Variants in FLNC observed in about 807,000 individuals in gnomAD.
FLNC encodes the protein filamin-C.
Under a neutral mutation model 254.3 loss-of-function variants are expected in FLNC, and 91 were observed. The observed-to-expected ratio is 0.36, with a 90% CI of 0.30 to 0.43. FLNC has a LOEUF of 0.43. Among genes scored for constraint, FLNC ranks in the 20% least tolerant of loss-of-function variants. The pLI, the probability that FLNC is intolerant of heterozygous loss-of-function variation, is 1.00. For missense variants in FLNC, 2,853 were observed against 3,802.6 expected (o/e 0.75, Z 6.57); for synonymous variants, 1,430 against 1,577.2 (o/e 0.91, Z 2.21).
Position 128,837,149 on chromosome 7 carries a change from C to T in FLNC, c.602-11C>T, listed in dbSNP as rs371111092. ...GCCCCTCACCATCGTCTCCCTCCAT[C>T]ACCTCTCCAGGTCTCTGCCCCGACT... On this transcript the variant is annotated splice_polypyrimidine_tract_variant and intron_variant, in intron 2 of 47. Transcript: ENST00000325888. The T allele has an allele frequency of 6.0e-4, 953 of 1,580,446 alleles. 17 individuals are homozygous for T. In the South Asian group the frequency reaches 8.7e-3, roughly 14 times the overall value.
rs28687249 is a variant in FLNC, at chr7:128,858,567, C to T, written c.*44C>T. 7 of 1,353,342 alleles carry T rather than the reference C, an allele frequency of 5.2e-6. No individual in the cohort carries two copies. In the South Asian group the frequency reaches 5.9e-5, roughly 11 times the overall value. The allele number at this position is 1,353,342 out of a possible 1,614,324, so 83.8% of individuals were successfully genotyped here. ...CAGCCTCAGCCCCCACCTCCAGCCACACACACATTACACACACACACACAC... is the reference window on the plus strand; with the variant it reads ...CAGCCTCAGCCCCCACCTCCAGCCATACACACATTACACACACACACACAC... On this transcript the variant is annotated 3_prime_UTR_variant, in exon 48 of 48. Coordinates refer to ENST00000325888, the MANE Select transcript of FLNC (RefSeq NM_001458.5). The surrounding 1 kb of genome is among the most constrained non-coding windows in gnomAD (Gnocchi z 6.7).
In FLNC at chr7:128,844,038, G is replaced by A. The variant is rs1270021171; in HGVS notation, c.2964G>A (p.Val988=). Residue 988 remains valine, a synonymous_variant, in exon 20 of 48, where the codon GTG becomes GTA. Transcript: ENST00000325888. ...TGGGACAGGAACAAGCATTCTCTGTGAACACACGAGGGGCTGGCGGTCAGG... is the reference window on the plus strand; with the variant it reads ...TGGGACAGGAACAAGCATTCTCTGTAAACACACGAGGGGCTGGCGGTCAGG... ...VAVGQEQAFS[V]NTRGAGGQGQ... 3 of 1,614,032 alleles carry A rather than the reference G, an allele frequency of 1.9e-6. No homozygotes were observed. In the African/African-American group the frequency reaches 4.0e-5, roughly 22 times the overall value.
chr7:128,842,787 T>C lies in FLNC; in HGVS notation c.2390-7T>C. 6.2e-7 allele frequency: 1 copy of C among 1,613,352 alleles called. No individual in the cohort carries two copies. Among genetic ancestry groups the C allele is most frequent in the African/African-American group, 1.3e-5 (1 of 75,048 alleles). On this transcript the variant is annotated splice_region_variant and splice_polypyrimidine_tract_variant and intron_variant, in intron 15 of 47. Transcript: ENST00000325888. The surrounding 1 kb of genome is among the most constrained non-coding windows in gnomAD (Gnocchi z 5.4). ...CCCAACTCACAGCAGTGCCCGCTTC[T>C]CTGCAGGCGACGTGAGCATCGGCAT...
chr7:128,850,749 G>A, intron 32 of FLNC, 54 bp from the exon 33 acceptor site: 1 of 1,612,186 alleles, frequency 6.2e-7, no homozygotes, highest in South Asian at 1.1e-5. Context: ...GGGACAGCAG[G>A]GAGGTTGCAG....
Position 128,857,322 on chromosome 7 carries a change from A to G in FLNC, c.7766A>G (p.Lys2589Arg). 6.2e-7 allele frequency: 1 copy of G among 1,612,948 alleles called. No homozygotes were observed. The highest frequency in any genetic ancestry group is 1.1e-5 in the South Asian group (1 of 91,026). ...CAGCACATCGTGGGCAGCCCCTTCA[A>G]GGCCAAGGTCACTGGTGAGTGCCAG... Reference protein sequence around the residue: ...GPQHIVGSPFKAKVTGPRLSG... With the variant: ...GPQHIVGSPFRAKVTGPRLSG... The change falls in exon 46 of 48, where the codon AAG becomes AGG. Residue 2589 changes from lysine (K) to arginine (R), a missense_variant. Transcript: ENST00000325888. This position sits in a 1 kb window ranked among gnomAD's most constrained non-coding sequence, Gnocchi z 4.5.
Position 128,837,428 on chromosome 7 carries a change from A to G in FLNC, c.730A>G (p.Asn244Asp), listed in dbSNP as rs1020489966. 6.2e-7 allele frequency: 1 copy of G among 1,613,990 alleles called. No homozygotes were observed. The highest frequency in any genetic ancestry group is 8.5e-7 in the Non-Finnish European group (1 of 1,180,006). Residue 244 changes from asparagine to aspartate, a missense_variant, in exon 4 of 48, where the codon AAC becomes GAC. Physicochemically the swap from Asn to Asp is conservative, Grantham distance 23. Transcript: ENST00000325888. ...TGCCCCTGAGGAGATTGTGGACCCCAACGTGGATGAGCATTCTGTTATGAC... is the reference window on the plus strand; with the variant it reads ...TGCCCCTGAGGAGATTGTGGACCCCGACGTGGATGAGCATTCTGTTATGAC... ...VIAPEEIVDP[N>D]VDEHSVMTYL...
Position 128,856,525 on chromosome 7 carries a change from G to T in FLNC, c.7259G>T (p.Gly2420Val). The T allele has an allele frequency of 1.2e-6, 2 of 1,612,306 alleles. No homozygotes were observed. Among genetic ancestry groups the T allele is most frequent in the Non-Finnish European group, 1.7e-6 (2 of 1,180,012 alleles). ...RLTVTSLQETGLKVNQPASFA... is the reference protein window; with the variant it reads ...RLTVTSLQETVLKVNQPASFA... ...CCTCCGTGGCCTTTGCAGGAGACGG[G>T]GCTCAAGGTGAACCAGCCAGCGTCC... Residue 2420 changes from glycine to valine, a missense_variant, in exon 44 of 48, where the codon GGG becomes GTG. By Grantham distance (109) the Gly-to-Val change is moderately radical. Coordinates refer to ENST00000325888, the MANE Select transcript of FLNC (RefSeq NM_001458.5). This position sits in a 1 kb window ranked among gnomAD's most constrained non-coding sequence, Gnocchi z 5.9.
chr7:128,848,714 C>G lies in FLNC; in HGVS notation c.4734C>G (p.Ile1578Met), dbSNP rs1290554261. Residue 1578 changes from isoleucine to methionine, a missense_variant, in exon 27 of 48, where the codon ATC (isoleucine) becomes ATG (methionine). Ile to Met is a conservative substitution (Grantham distance 10). Coordinates refer to ENST00000325888, the MANE Select transcript of FLNC (RefSeq NM_001458.5). ...DAGEGLLTVQILDPEGKPKKA... is the reference protein window; with the variant it reads ...DAGEGLLTVQMLDPEGKPKKA... ...GCGAGGGGTTGCTCACTGTCCAGAT[C>G]TTGGTGAGTCTCTGTGCATCCCACC... is the stretch of plus-strand genomic sequence containing the variant. The G allele has an allele frequency of 6.2e-7, 1 of 1,613,774 alleles. No homozygotes were observed. Among genetic ancestry groups the G allele is most frequent in the Non-Finnish European group, 8.5e-7 (1 of 1,180,026 alleles).
At position 128,844,969 on chromosome 7, in the gene FLNC, C is replaced by T; in HGVS notation, c.3504C>T (p.Gly1168=). Residue 1168 remains glycine, a synonymous_variant, in exon 21 of 48, where the codon GGC becomes GGT. Coordinates refer to ENST00000325888, the MANE Select transcript of FLNC (RefSeq NM_001458.5). ...VRASGPGLER[G]KVGEAATFTV... ...CCAGTGGACCGGGCCTGGAGCGCGG[C>T]AAGGTCGGTGAGGCAGCCACCTTCA... 6 of 1,613,846 alleles carry T rather than the reference C, an allele frequency of 3.7e-6. No individual in the cohort carries two copies. The highest frequency in any genetic ancestry group is 5.1e-6 in the Non-Finnish European group (6 of 1,180,014).
At position 128,854,211 on chromosome 7, in the gene FLNC, A is replaced by G; in HGVS notation, c.6722A>G (p.Gln2241Arg). Residue 2241 changes from glutamine (Q) to arginine (R), a missense_variant, in exon 40 of 48, where the codon CAG becomes CGG. Physicochemically the swap from Gln to Arg is conservative, Grantham distance 43 (BLOSUM62 1). Coordinates refer to ENST00000325888, the MANE Select transcript of FLNC (RefSeq NM_001458.5). ...TCCTTCGGCAGCATCACCCGGCAGCAGGAGGGTGAGCACCGCACACTGGGC... is the reference window on the plus strand; with the variant it reads ...TCCTTCGGCAGCATCACCCGGCAGCGGGAGGGTGAGCACCGCACACTGGGC... ...LGSFGSITRQ[Q>R]EGEASSQDMT... 1 of 1,607,184 alleles carries G rather than the reference A, an allele frequency of 6.2e-7. No individual in the cohort carries two copies. The highest frequency in any genetic ancestry group is 8.5e-7 in the Non-Finnish European group (1 of 1,177,368).
chr7:128,843,999 C>T lies in FLNC; in HGVS notation c.2930-5C>T, dbSNP rs371599113. 44 of 1,614,034 alleles carry T rather than the reference C, an allele frequency of 2.7e-5. No individual in the cohort carries two copies. Among genetic ancestry groups the T allele is most frequent in the South Asian group, 5.5e-5 (5 of 91,090 alleles). ...TCCTCATGGTGTCACTTGCCCTCCA[C>T]GCAGAGGTGGCTGTGGGACAGGAAC... On this transcript the variant is annotated splice_polypyrimidine_tract_variant and splice_region_variant and intron_variant, in intron 19 of 47. Transcript: ENST00000325888.
rs368102638 is a variant in FLNC, at chr7:128,845,992, G to A, written c.3793G>A (p.Val1265Ile). 2.9e-5 allele frequency: 47 copies of A among 1,613,604 alleles called. No homozygotes were observed. The highest frequency in any genetic ancestry group is 3.8e-5 in the Non-Finnish European group (45 of 1,179,994). The change falls in exon 22 of 48, where the codon GTC (valine) becomes ATC (isoleucine). Residue 1265 changes from valine (V) to isoleucine (I), a missense_variant and splice_region_variant. Around this residue, in one of 10 missense-constraint regions of FLNC, gnomAD observed 1,573 missense variants for 1,883.5 expected, o/e 0.84. Transcript: ENST00000325888. ...VSGPGVEPHG[V>I]LREVTTEFTV... is the part of the protein sequence containing the mutation. ...AACACGCCACCCCTGGGCTCCAGGTGTCCTGCGGGAGGTGACCACTGAGTT... is the reference window on the plus strand; with the variant it reads ...AACACGCCACCCCTGGGCTCCAGGTATCCTGCGGGAGGTGACCACTGAGTT...
At chr7:128,849,619 G>C in intron 30 of FLNC, 41 bp downstream of exon 30, 1 of 1,607,750 alleles carries the variant, frequency 6.2e-7, no homozygotes, top group Non-Finnish European at 8.5e-7. Flanking sequence ...GGCTGGGGAG[G>C]GGGGCCTGGC....
Position 128,853,490 on chromosome 7 carries a change from G to C in FLNC, c.6230G>C (p.Ser2077Thr). 6.2e-7 allele frequency: 1 copy of C among 1,614,034 alleles called. No individual in the cohort carries two copies. The highest frequency in any genetic ancestry group is 1.1e-5 in the South Asian group (1 of 91,074). ...CCAGGTTATGGGGGCTTGGGGCTGA[G>C]TATTGAAGGCCCAAGCAAGGTGGAC... ...RNAGYGGLGL[S>T]IEGPSKVDIN... The change falls in exon 38 of 48, where the codon AGT (serine) becomes ACT (threonine). Residue 2077 changes from serine to threonine, a missense_variant. By Grantham distance (58) the Ser-to-Thr change is moderately conservative (BLOSUM62 1). Coordinates refer to ENST00000325888, the MANE Select transcript of FLNC (RefSeq NM_001458.5).
chr7:128,843,314 G>A lies in FLNC; in HGVS notation c.2636G>A (p.Arg879His), dbSNP rs367997079. 1.5e-5 allele frequency: 24 copies of A among 1,612,782 alleles called. No individual in the cohort carries two copies. The highest frequency in any genetic ancestry group is 1.1e-4 in the South Asian group (10 of 90,854). ...KVKAEGPGLN[R>H]TGVEVGKPTH... ...AAGGCCGAGGGCCCTGGGCTGAATC[G>A]CACAGGTGAGTGTCTGGGCAGGGGC... The change falls in exon 17 of 48, where the codon CGC (arginine) becomes CAC (histidine). Residue 879 changes from arginine (R) to histidine (H), a missense_variant. Arg to His is a conservative substitution (Grantham distance 29). Coordinates refer to ENST00000325888, the MANE Select transcript of FLNC (RefSeq NM_001458.5).
chr7:128,837,269 G>T lies in FLNC; in HGVS notation c.699+12G>T. 1 of 1,533,498 alleles carries T rather than the reference G, an allele frequency of 6.5e-7. No homozygotes were observed. Among genetic ancestry groups the T allele is most frequent in the African/African-American group, 1.4e-5 (1 of 73,208 alleles). The allele number at this position is 1,533,498 out of a possible 1,614,324, so 95.0% of individuals were successfully genotyped here. A position where few individuals can be genotyped will look rare whatever the true frequency, so the allele number is the denominator to read the frequency against. On this transcript the variant is annotated intron_variant, in intron 3 of 47. Transcript: ENST00000325888. ...TTGGGGTGCCCCAGGTACATGCGCAGATGGGGCAGGGGGGAAAGGGGGCAG... is the reference window on the plus strand; with the variant it reads ...TTGGGGTGCCCCAGGTACATGCGCATATGGGGCAGGGGGGAAAGGGGGCAG...
At chr7:128,843,760 T>A in intron 18 of FLNC, 36 bp from the exon 19 acceptor site, 1 of 1,589,112 alleles carries the variant, frequency 6.3e-7, no homozygotes. Flanking sequence ...GGACCTTGCC[T>A]TATATCCAGT....
At position 128,852,463 on chromosome 7, in the gene FLNC, C is replaced by T. The variant is rs878976271; in HGVS notation, c.5843-128C>T. The T allele has an allele frequency of 8.4e-6, 9 of 1,073,252 alleles. No homozygotes were observed. In the Admixed American group the frequency reaches 1.1e-4, roughly 13 times the overall value. The allele number at this position is 1,073,252 out of a possible 1,614,324, so 66.5% of individuals were successfully genotyped here. A position where few individuals can be genotyped will look rare whatever the true frequency, so the allele number is the denominator to read the frequency against. ...CTGCACTTTCCAGGCCTTGGGCCTCCGTGCACCTGGGAGTGGCCCCCCGTG... is the reference window on the plus strand; with the variant it reads ...CTGCACTTTCCAGGCCTTGGGCCTCTGTGCACCTGGGAGTGGCCCCCCGTG... On this transcript the variant is annotated intron_variant, in intron 35 of 47. Transcript: ENST00000325888.
Position 128,830,746 on chromosome 7 carries a change from A to T in FLNC, c.109A>T (p.Ile37Phe). The change falls in exon 1 of 48, where the codon ATC (isoleucine) becomes TTC (phenylalanine). Residue 37 changes from isoleucine (I) to phenylalanine (F), a missense_variant. Coordinates refer to ENST00000325888, the MANE Select transcript of FLNC (RefSeq NM_001458.5). ...GGCGGAGGACGCGCCGTGGAAGAAG[A>T]TCCAGCAGAACACATTCACGCGCTG... ...DLAEDAPWKK[I>F]QQNTFTRWCN... 6.2e-7 allele frequency: 1 copy of T among 1,613,230 alleles called. No homozygotes were observed. Among genetic ancestry groups the T allele is most frequent in the Non-Finnish European group, 8.5e-7 (1 of 1,179,968 alleles).
Sources: gnomAD v4.1 joint callset for allele counts on GRCh38, gnomAD v4.1.1 for gene constraint, gnomAD v4.1.1 regional missense constraint, Gnocchi (gnomAD v3.1) non-coding constraint, MANE v1.5 for transcripts, NCBI Gene and HGNC (gene_info 2026-07-23, HGNC 2026-07-21) for gene names.